Variants in PLSCR1 observed in about 807,000 individuals in gnomAD.
The protein encoded by PLSCR1 is PL scramblase 1.
In PLSCR1, 17 loss-of-function variants were observed where a neutral mutation model predicts 37.8. That is an observed-to-expected ratio of 0.45 (90% CI 0.31 to 0.68). The LOEUF (loss-of-function observed/expected upper bound fraction) is 0.68. PLSCR1 is among the 30% of genes least tolerant of loss of function. PLSCR1 has a pLI of 0.06. For missense variants in PLSCR1, 347 were observed against 380.9 expected, an observed-to-expected ratio of 0.91 and a Z score of 0.74; for synonymous variants, 116 against 125.9, an observed-to-expected ratio of 0.92 and a Z score of 0.53.
At chr3:146,531,475 G>C (rs2044197682) in intron 3 of PLSCR1, among the ~76,000 whole-genome samples, 1 of 152,102 alleles carries the variant, frequency 6.6e-6, no homozygotes, top group Admixed American at 6.6e-5. Context: ...CAGACCAGTG[G>C]GGATATGGAG....
intron 6 of PLSCR1, 25 bp from the exon 7 acceptor site, chr3:146,521,730 A>T (rs1225481866): frequency 1.3e-6 from 2 of 1,596,444 alleles, no homozygotes; most frequent in Non-Finnish European, 1.7e-6. Flanking sequence ...TAATATATGT[A>T]AATGTAATAA....
At chr3:146,530,709 G>A (rs1304186835) in intron 3 of PLSCR1, among the ~76,000 whole-genome samples, 1 of 152,158 alleles carries the variant, frequency 6.6e-6, no homozygotes, top group East Asian at 1.9e-4. Context: ...AGAGAGGAAT[G>A]TCATAAGAAA....
chr3:146,522,083 A>T (rs2044031152), intron 5 of PLSCR1, 30 bp from the exon 6 acceptor site: 6 of 1,173,990 alleles, frequency 5.1e-6, no homozygotes, highest in Non-Finnish European at 7.7e-6. Flanking sequence ...AATCATAATC[A>T]CCTCTATGTT....
chr3:146,537,629 T>G (rs1483366803), intron 1 of PLSCR1, among the ~76,000 whole-genome samples: 3 of 152,076 alleles, frequency 2.0e-5, no homozygotes, highest in Non-Finnish European at 4.4e-5. Flanking sequence ...ATGCCAGTAT[T>G]TTGGGAAGCT....
At chr3:146,528,448 T>C in intron 4 of PLSCR1, 166 bp downstream of exon 4, 1 of 618,658 alleles carries the variant, frequency 1.6e-6, no homozygotes, top group Non-Finnish European at 2.9e-6. Flanking sequence ...GGCATTTGTA[T>C]TTTGCTTTAA....
At chr3:146,526,209 G>GA (rs1022411863) in intron 4 of PLSCR1, among the ~76,000 whole-genome samples, 24 of 116,662 alleles carry the variant, frequency 2.1e-4, no homozygotes, top group South Asian at 1.9e-3. Context: ...AAAAAAGAAA[G>GA]AAAAAAAAAA....
rs375343501 is a variant in PLSCR1 at position 146,531,188 on chromosome 3, G to C, written c.94+2282C>G. Among the ~76,000 whole-genome samples the C allele has an allele frequency of 6.6e-5, 10 of 152,302 alleles. No homozygotes were observed. In the East Asian group the frequency reaches 1.4e-3, roughly 21 times the overall value. On this transcript the variant is annotated intron_variant, in intron 3 of 8. Coordinates refer to ENST00000342435, the MANE Select transcript of PLSCR1 (RefSeq NM_021105.3). ...GGATGCACAGGAGTTCAGGAGGCCA[G>C]AGTCACAGAAAGAACATTTCAGAGC...
intron 2 of PLSCR1, among the ~76,000 whole-genome samples, chr3:146,535,582 T>C (rs1464219796): frequency 6.6e-6 from 1 of 152,200 alleles, no homozygotes; most frequent in Non-Finnish European, 1.5e-5. Context: ...TTTATTTCTA[T>C]TTATGCAAAT....
At chr3:146,541,310 T>C (rs2044335628) in intron 1 of PLSCR1, 1 of 152,134 alleles carries the variant, frequency 6.6e-6, no homozygotes, top group East Asian at 1.9e-4. Context: ...TGATCAAGTG[T>C]TCTACAAAAC....
intron 8 of PLSCR1, 103 bp downstream of exon 8, chr3:146,516,903 T>C (rs565814637): frequency 5.2e-5 from 42 of 811,528 alleles, no homozygotes; most frequent in Admixed American, 1.1e-4. Flanking sequence ...ATTTAAAATC[T>C]ATAAATTTTA....
intron 2 of PLSCR1, 138 bp from the exon 3 acceptor site, chr3:146,533,688 A>C (rs1228359366): frequency 2.2e-6 from 1 of 456,068 alleles, no homozygotes; most frequent in African/African-American, 2.0e-5. Flanking sequence ...ATTTTCACTT[A>C]ACGTAAGCTG....
intron 3 of PLSCR1, among the ~76,000 whole-genome samples, chr3:146,530,921 C>T (rs2044189329): frequency 6.6e-6 from 1 of 152,184 alleles, no homozygotes; most frequent in African/African-American, 2.4e-5. Context: ...ATGGAAAACA[C>T]AGATGCAATC....
chr3:146,539,797 A>G (rs2108674211), intron 1 of PLSCR1, among the ~76,000 whole-genome samples: 1 of 152,312 alleles, frequency 6.6e-6, no homozygotes, highest in Admixed American at 6.5e-5. Flanking sequence ...CATTTATATA[A>G]TATCTCAAGC....
At position 146,515,352 on chromosome 3, in the gene PLSCR1, T is replaced by G. The variant is rs2043933238; in HGVS notation, c.*693A>C. 1 of 152,154 alleles carries G rather than the reference T, an allele frequency of 6.6e-6. No homozygotes were observed. Among genetic ancestry groups the G allele is most frequent in the Non-Finnish European group, 1.5e-5 (1 of 68,002 alleles). 9.4% of individuals were successfully genotyped at this position (152,154 alleles called of 1,614,324 possible). ...AGCTAAACATTTCATGTAGAAATAT[T>G]AACTTTCAAAAGTTATAATACCAGA... On this transcript the variant is annotated 3_prime_UTR_variant, in exon 9 of 9. Transcript: ENST00000342435.
At chr3:146,539,815 G>A (rs1882972) in intron 1 of PLSCR1, among the ~76,000 whole-genome samples, 41,249 of 152,072 alleles carry the variant, frequency 0.27, 5,817 homozygotes, top group African/African-American at 0.32. Context: ...AGCATTGAAA[G>A]TGGTATGTAA....
chr3:146,519,896 C>G (rs2043995694), intron 7 of PLSCR1, among the ~76,000 whole-genome samples: 1 of 152,068 alleles, frequency 6.6e-6, no homozygotes, highest in Admixed American at 6.6e-5. Flanking sequence ...CAATTGATAT[C>G]AAATCCATGA....
intron 3 of PLSCR1, among the ~76,000 whole-genome samples, chr3:146,529,073 G>T (rs1038522715): frequency 1.3e-5 from 2 of 152,128 alleles, no homozygotes; most frequent in Non-Finnish European, 2.9e-5. Flanking sequence ...AACTCAGAAG[G>T]AAAATATGCT....
chr3:146,528,283 G>A, intron 4 of PLSCR1: 1 of 283,608 alleles, frequency 3.5e-6, no homozygotes, highest in South Asian at 3.9e-5. Context: ...TTTGAAAAAT[G>A]TAGCACCTAT....
rs1031136161 is a variant in PLSCR1, at chr3:146,515,852, A to C, written c.*193T>G. The C allele has an allele frequency of 4.9e-6, 2 of 407,758 alleles. No individual in the cohort carries two copies. The highest frequency in any genetic ancestry group is 1.5e-4 in the South Asian group (2 of 13,002). 25.3% of individuals were successfully genotyped at this position (407,758 alleles called of 1,614,324 possible). On this transcript the variant is annotated 3_prime_UTR_variant, in exon 9 of 9. Coordinates refer to ENST00000342435, the MANE Select transcript of PLSCR1 (RefSeq NM_021105.3). The stretch of plus-strand genomic sequence containing the variant: ...AAAACTCATATGTCCTTTTTCTCAA[A>C]TTGACAATGAGTATTAAAAAATGTA...
Sources: allele counts gnomAD v4.1 joint callset (sites outside exome capture counted in the v4.1 genomes callset), GRCh38; gene constraint gnomAD v4.1.1; transcripts MANE v1.5; gene names NCBI Gene and HGNC (gene_info 2026-07-23, HGNC 2026-07-21).